The following ADAMTS16 variants were observed in gnomAD, a reference collection of about 807,000 sequenced individuals.
ADAMTS16 encodes the protein ADAM metallopeptidase with thrombospondin type 1 motif 16.
Under a neutral mutation model 145.8 loss-of-function variants are expected in ADAMTS16, and 94 were observed. The ratio of observed to expected loss-of-function variants is 0.64; its 90% CI spans 0.55 to 0.77. The LOEUF (loss-of-function observed/expected upper bound fraction) is 0.77. ADAMTS16 is among the 30% of genes least tolerant of loss of function. The pLI, the probability that ADAMTS16 is intolerant of heterozygous loss-of-function variation, is 0.00. For synonymous variants in ADAMTS16, 659 were observed against 604.3 expected (o/e 1.09, Z -1.33); for missense variants, 1,585 against 1,591.5 (o/e 1.00, Z 0.07).
At chr5:5,216,490 GCTGA>G (rs1218613612) in intron 10 of ADAMTS16, among the ~76,000 whole-genome samples, 1 of 151,844 alleles carries the variant, frequency 6.6e-6, no homozygotes, top group Non-Finnish European at 1.5e-5. Context: ...TGTTTACTCT[GCTGA>G]CTGTTTCTTT....
chr5:5,198,517 T>C (rs1735869890), intron 8 of ADAMTS16, among the ~76,000 whole-genome samples: 1 of 152,138 alleles, frequency 6.6e-6, no homozygotes, highest in Non-Finnish European at 1.5e-5. Context: ...CATCAAAGTG[T>C]CAAGGTTTCA....
chr5:5,200,324 C>T, intron 9 of ADAMTS16, 55 bp downstream of exon 9: 1 of 1,601,084 alleles, frequency 6.2e-7, no homozygotes. Flanking sequence ...ATGCTCACTG[C>T]CTGGTCAGCC....
intron 21 of ADAMTS16, among the ~76,000 whole-genome samples, chr5:5,307,963 C>T (rs563662912): frequency 3.3e-5 from 5 of 152,310 alleles, no homozygotes; most frequent in East Asian, 3.9e-4. Flanking sequence ...AAGACCCGGT[C>T]GAAGCCTATT....
intron 18 of ADAMTS16, among the ~76,000 whole-genome samples, chr5:5,273,297 G>A (rs755594914): frequency 5.9e-5 from 9 of 152,204 alleles, no homozygotes; most frequent in South Asian, 2.1e-4. Context: ...GCAAGTGGAC[G>A]GCTTGAGCTC....
intron 16 of ADAMTS16, among the ~76,000 whole-genome samples, chr5:5,241,076 T>A (rs1737275721): frequency 6.6e-6 from 1 of 151,960 alleles, no homozygotes; most frequent in South Asian, 2.1e-4. Context: ...CTTATACCTG[T>A]CCCACAACAT....
intron 11 of ADAMTS16, chr5:5,223,085 T>G (rs1736651503): frequency 3.6e-6 from 2 of 558,472 alleles, no homozygotes; most frequent in Non-Finnish European, 6.4e-6. Context: ...GAAAATAAAA[T>G]TGATGAGCTA....
intron 10 of ADAMTS16, among the ~76,000 whole-genome samples, chr5:5,212,151 A>T (rs187658157): frequency 2.1e-4 from 30 of 145,600 alleles, no homozygotes; most frequent in African/African-American, 6.2e-4. Context: ...ATTATTACGT[A>T]TGTTTCTATT....
intron 10 of ADAMTS16, among the ~76,000 whole-genome samples, chr5:5,218,866 A>G (rs1188234148): frequency 1.3e-5 from 2 of 152,062 alleles, no homozygotes; most frequent in Admixed American, 1.3e-4. Flanking sequence ...CTGCCACGTC[A>G]TTCATCTTTC....
In ADAMTS16 at chr5:5,182,325, T is replaced by A. The variant is rs1419897411; in HGVS notation, c.763+20T>A. ...AGAAATGTATGTAAGGGCGAATCTT[T>A]GTGTGTATTTAGTGATGCTGACATT... is the stretch of plus-strand genomic sequence containing the variant. On this transcript the variant is annotated intron_variant, in intron 4 of 22. Transcript: ENST00000274181. The A allele has an allele frequency of 1.3e-6, 2 of 1,599,580 alleles. No homozygotes were observed. Among genetic ancestry groups the A allele is most frequent in the East Asian group, 4.5e-5 (2 of 44,510 alleles).
At chr5:5,216,248 A>AG (rs1736437551) in intron 10 of ADAMTS16, among the ~76,000 whole-genome samples, 1 of 152,008 alleles carries the variant, frequency 6.6e-6, no homozygotes, top group Admixed American at 6.6e-5. Flanking sequence ...TGCAGGAGTA[A>AG]GTGGTATTGC....
chr5:5,187,914 G>A, intron 6 of ADAMTS16, 106 bp downstream of exon 6: 2 of 673,974 alleles, frequency 3.0e-6, no homozygotes, highest in Non-Finnish European at 4.9e-6. Context: ...TCTCTCTCGA[G>A]GGCAAAATGT....
chr5:5,292,707 A>AGCTCCT, intron 18 of ADAMTS16, among the ~76,000 whole-genome samples: 2 of 151,916 alleles, frequency 1.3e-5, no homozygotes, highest in South Asian at 4.2e-4. Context: ...GCCCTGTCCT[A>AGCTCCT]ACAGCCCTCA....
At chr5:5,214,646 C>T (rs766856345) in intron 10 of ADAMTS16, among the ~76,000 whole-genome samples, 3 of 152,126 alleles carry the variant, frequency 2.0e-5, no homozygotes, top group Non-Finnish European at 4.4e-5. Context: ...TCAAGCAATC[C>T]GCCTGCCTTG....
Position 5,319,554 on chromosome 5 carries a change from C to A in ADAMTS16, c.*416C>A, listed in dbSNP as rs1344142234. The A allele has an allele frequency of 3.4e-6, 1 of 290,688 alleles. No individual in the cohort carries two copies. Among genetic ancestry groups the A allele is most frequent in the Non-Finnish European group, 6.7e-6 (1 of 150,300 alleles). 18.0% of individuals were successfully genotyped at this position (290,688 alleles called of 1,614,324 possible). A position where few individuals can be genotyped will look rare whatever the true frequency, so the allele number is the denominator to read the frequency against. On this transcript the variant is annotated 3_prime_UTR_variant, in exon 23 of 23. Coordinates refer to ENST00000274181, the MANE Select transcript of ADAMTS16 (RefSeq NM_139056.4). ...TAAGGAAAACATACAAAATATGTAC[C>A]CCCTAGTTCACCAGCCTCCCCTCCC...
chr5:5,277,990 GA>G (rs1189362217), intron 18 of ADAMTS16, among the ~76,000 whole-genome samples: 2 of 151,232 alleles, frequency 1.3e-5, no homozygotes, highest in African/African-American at 4.9e-5. Flanking sequence ...TTAAAAAAAA[GA>G]AAAAAAAGAC....
At chr5:5,305,539 C>T (rs1404639051) in intron 20 of ADAMTS16, among the ~76,000 whole-genome samples, 1 of 119,572 alleles carries the variant, frequency 8.4e-6, no homozygotes, top group East Asian at 3.2e-4. Flanking sequence ...CATCCCACAC[C>T]ATACACACAC....
At chr5:5,155,200 T>TAGACAGGAAGCCCACTGGGAC (rs1471865337) in intron 3 of ADAMTS16, among the ~76,000 whole-genome samples, 1 of 152,108 alleles carries the variant, frequency 6.6e-6, no homozygotes, top group Non-Finnish European at 1.5e-5. Context: ...CCACTGGGTC[T>TAGACAGGAAGCCCACTGGGAC]AGACAGGAAG....
chr5:5,151,208 CT>C (rs199525516), intron 3 of ADAMTS16, among the ~76,000 whole-genome samples: 4,734 of 148,870 alleles, frequency 0.032, 92 homozygotes, highest in Non-Finnish European at 0.037. Flanking sequence ...TCCTTTATTT[CT>C]TTTCTCTTAT....
At chr5:5,309,056 T>C (rs2126526888) in intron 21 of ADAMTS16, among the ~76,000 whole-genome samples, 2 of 152,244 alleles carry the variant, frequency 1.3e-5, no homozygotes, top group Middle Eastern at 3.4e-3. Flanking sequence ...ATTCTATATA[T>C]TTACCAGTGT....
Sources: allele counts gnomAD v4.1 joint callset (sites outside exome capture counted in the v4.1 genomes callset), GRCh38; gene constraint gnomAD v4.1.1; transcripts MANE v1.5; gene names NCBI Gene and HGNC (gene_info 2026-07-23, HGNC 2026-07-21).